STPG2: variants seen among roughly 807,000 people sequenced by gnomAD.
The protein encoded by STPG2 is sperm-tail PG-rich repeat-containing protein 2.
In STPG2, 56 loss-of-function variants were observed where a neutral mutation model predicts 54.2. The observed-to-expected ratio is 1.03, with a 90% confidence interval of 0.83 to 1.29. The LOEUF is 1.29. Ranked by LOEUF, STPG2 falls within the 50% of genes most tolerant of loss-of-function variation. The pLI is 0.00. For synonymous variants in STPG2, 200 were observed against 181.8 expected (o/e 1.10, Z -0.81); for missense variants, 596 against 544.9 (o/e 1.09, Z -0.93).
chr4:97,649,037 T>G (rs1437798041), intron 10 of STPG2, among the ~76,000 whole-genome samples: 1 of 152,112 alleles, frequency 6.6e-6, no homozygotes, highest in Non-Finnish European at 1.5e-5. Flanking sequence ...CTTTTTTCAC[T>G]AAAAGCTAGA....
chr4:97,581,855 A>T (rs1732870583), intron 10 of STPG2, among the ~76,000 whole-genome samples: 1 of 151,970 alleles, frequency 6.6e-6, no homozygotes, highest in South Asian at 2.1e-4. Context: ...ATTTTGGCTG[A>T]TCTGATCTGA....
At chr4:97,925,324 C>A (rs981625239) in intron 8 of STPG2, among the ~76,000 whole-genome samples, 1 of 152,174 alleles carries the variant, frequency 6.6e-6, no homozygotes, top group African/African-American at 2.4e-5. Context: ...ACTATCAGCA[C>A]TTATTCCTGC....
At chr4:97,740,204 G>A (rs1725176004) in intron 9 of STPG2, among the ~76,000 whole-genome samples, 1 of 152,064 alleles carries the variant, frequency 6.6e-6, no homozygotes, top group South Asian at 2.1e-4. Flanking sequence ...GGTATTGATG[G>A]GACGTATCTC....
intron 4 of STPG2, among the ~76,000 whole-genome samples, chr4:97,468,333 TTTAA>T (rs1372612355): frequency 1.3e-5 from 2 of 152,032 alleles, no homozygotes; most frequent in Non-Finnish European, 2.9e-5. Context: ...TTGTTTATTT[TTTAA>T]TTAATCAAAA....
In STPG2 at chr4:97,775,261, G is replaced by A. The variant is rs111617715; in HGVS notation, c.1205-62447C>T. Among the ~76,000 whole-genome samples, 856 of 152,164 alleles carry A rather than the reference G, an allele frequency of 5.6e-3. 18 individuals carry two copies. Among genetic ancestry groups the A allele is most frequent in the East Asian group, 0.036 (188 of 5,158 alleles). On this transcript the variant is annotated intron_variant, in intron 9 of 10. Coordinates refer to ENST00000295268, the MANE Select transcript of STPG2 (RefSeq NM_174952.3). ...AAGAGAAATTAACTGAGGGATGAAG[G>A]TGAAGAGAATAGGATAAAAACAGAG...
intron 9 of STPG2, among the ~76,000 whole-genome samples, chr4:97,826,719 G>A (rs1359605247): frequency 6.6e-6 from 1 of 152,150 alleles, no homozygotes; most frequent in African/African-American, 2.4e-5. Flanking sequence ...ATTAAATGGT[G>A]TTTGGCTTTC....
At chr4:97,531,296 G>C (rs1308762045) in intron 4 of STPG2, among the ~76,000 whole-genome samples, 1 of 152,142 alleles carries the variant, frequency 6.6e-6, no homozygotes, top group Non-Finnish European at 1.5e-5. Context: ...GAACAGTTTG[G>C]AGTTTCCTTA....
chr4:97,888,832 C>T (rs1023598534), intron 8 of STPG2, among the ~76,000 whole-genome samples: 3 of 152,086 alleles, frequency 2.0e-5, no homozygotes, highest in Admixed American at 6.5e-5. Flanking sequence ...GAAGGTGGGG[C>T]CTGGTAGGAG....
chr4:97,464,264 C>T (rs182779180), intron 4 of STPG2, among the ~76,000 whole-genome samples: 10 of 152,156 alleles, frequency 6.6e-5, no homozygotes, highest in African/African-American at 2.2e-4. Context: ...AATGAAAGTA[C>T]GCAGTATAAC....
rs536074689 is a variant in STPG2 at position 97,843,615 on chromosome 4, G to A, written c.1045-2683C>T. 2.4e-4 allele frequency among the ~76,000 whole-genome samples: 36 copies of A among 151,858 alleles called. No homozygotes were observed. In the South Asian group the frequency reaches 5.0e-3, roughly 21 times the overall value. On this transcript the variant is annotated intron_variant, in intron 8 of 10. Transcript: ENST00000295268. ...AGAGATGCTAATGGGATATCAAAACGGAATTCCCTAGTATTTTAAGCTACA... is the reference window on the plus strand; with the variant it reads ...AGAGATGCTAATGGGATATCAAAACAGAATTCCCTAGTATTTTAAGCTACA...
At chr4:97,987,450 G>T (rs900783464) in intron 5 of STPG2, among the ~76,000 whole-genome samples, 1 of 151,996 alleles carries the variant, frequency 6.6e-6, no homozygotes, top group Non-Finnish European at 1.5e-5. Flanking sequence ...TATGTTAATT[G>T]TAAGAAATTA....
chr4:98,072,960 G>T (rs1309315819), intron 5 of STPG2, among the ~76,000 whole-genome samples: 2 of 152,046 alleles, frequency 1.3e-5, no homozygotes, highest in Non-Finnish European at 2.9e-5. Context: ...CATTTGTAAC[G>T]TGTACAATAA....
intron 10 of STPG2, among the ~76,000 whole-genome samples, chr4:97,694,974 C>T (rs1319919120): frequency 6.6e-6 from 1 of 151,496 alleles, no homozygotes; most frequent in Non-Finnish European, 1.5e-5. Flanking sequence ...GGGAATCCTT[C>T]CTAAATCATT....
intron 2 of STPG2, among the ~76,000 whole-genome samples, chr4:98,130,845 C>T (rs1739967923): frequency 6.9e-6 from 1 of 145,156 alleles, no homozygotes; most frequent in Non-Finnish European, 1.5e-5. Context: ...TGGCGTGAAC[C>T]CGGGAGGTGG....
chr4:97,843,001 A>C lies in STPG2; in HGVS notation c.1045-2069T>G, dbSNP rs529606275. 2.6e-5 allele frequency among the ~76,000 whole-genome samples: 4 copies of C among 152,022 alleles called. No homozygotes were observed. In the South Asian group the frequency reaches 8.3e-4, roughly 32 times the overall value. Reference sequence around the variant, plus strand: ...AAACTCTGTCTAATAACAATAATTTAAACAACACCTATATACCATATAGTA... The same window carrying C: ...AAACTCTGTCTAATAACAATAATTTCAACAACACCTATATACCATATAGTA... On this transcript the variant is annotated intron_variant, in intron 8 of 10. Transcript: ENST00000295268.
intron 8 of STPG2, 108 bp from the exon 9 acceptor site, chr4:97,841,040 C>T: frequency 9.8e-7 from 1 of 1,024,594 alleles, no homozygotes; most frequent in Non-Finnish European, 1.4e-6. Context: ...AATCCTAATA[C>T]TTTTATTAAT....
chr4:98,003,323 T>C (rs1377029230), intron 5 of STPG2, among the ~76,000 whole-genome samples: 2 of 152,072 alleles, frequency 1.3e-5, no homozygotes, highest in Non-Finnish European at 2.9e-5. Flanking sequence ...TTTTCAGTCC[T>C]GGAAATTAGT....
chr4:97,950,246 T>C (rs1195905084), intron 7 of STPG2, among the ~76,000 whole-genome samples: 1 of 152,040 alleles, frequency 6.6e-6, no homozygotes, highest in African/African-American at 2.4e-5. Flanking sequence ...TATTATTAGG[T>C]TTGGCCATTT....
intron 9 of STPG2, among the ~76,000 whole-genome samples, chr4:97,719,746 T>C (rs969568087): frequency 2.6e-5 from 4 of 151,968 alleles, no homozygotes; most frequent in African/African-American, 9.6e-5. Flanking sequence ...AATCAATTTA[T>C]AAGCTACCTA....
Sources: allele counts gnomAD v4.1 joint callset (sites outside exome capture counted in the v4.1 genomes callset), GRCh38; gene constraint gnomAD v4.1.1; transcripts MANE v1.5; gene names NCBI Gene and HGNC (gene_info 2026-07-23, HGNC 2026-07-21).